The following ICE2 variants were observed in gnomAD, a reference collection of about 807,000 sequenced individuals.
ICE2 encodes little elongation complex subunit 2.
ICE2 carries 87 observed loss-of-function variants against 105.4 expected under a neutral mutation model. The ratio of observed to expected loss-of-function variants is 0.83; its 90% confidence interval spans 0.69 to 0.99. The LOEUF (loss-of-function observed/expected upper bound fraction) is 0.99, where lower values mean the gene tolerates loss of function less well. Among genes scored for constraint, ICE2 ranks in the 50% least tolerant of loss-of-function variants. The pLI is 0.00. For synonymous variants in ICE2, 399 were observed against 392.0 expected (o/e 1.02, Z -0.21); for missense variants, 1,323 against 1,146.7 (o/e 1.15, Z -2.22).
intron 9 of ICE2, chr15:60,452,216 T>C (rs1357221233): frequency 2.1e-6 from 2 of 943,332 alleles, no homozygotes; most frequent in Non-Finnish European, 2.5e-6. Context: ...ATAAAAATAT[T>C]AAAAGGCAAA....
In ICE2 at chr15:60,449,157, C is replaced by G. The variant is rs755943925; in HGVS notation, c.1810G>C (p.Ala604Pro). The G allele has an allele frequency of 6.2e-7, 1 of 1,614,076 alleles. No homozygotes were observed. The highest frequency in any genetic ancestry group is 1.1e-5 in the South Asian group (1 of 91,078). The change falls in exon 10 of 16, where the codon GCT becomes CCT. Residue 604 changes from alanine (A) to proline (P), a missense_variant. Physicochemically the swap from Ala to Pro is conservative, Grantham distance 27. Transcript: ENST00000261520. Reference protein sequence around the residue: ...VVGSNLSSRPASPNSSSGQAS... With the variant: ...VVGSNLSSRPPSPNSSSGQAS... The stretch of plus-strand genomic sequence containing the variant: ...TGTCCTGAGGAAGAATTTGGACTAG[C>G]TGGTCTGGAACTTAAGTTAGAACCC...
chr15:60,477,048 A>T (rs1010367679), intron 2 of ICE2, among the ~76,000 whole-genome samples: 14 of 152,360 alleles, frequency 9.2e-5, no homozygotes, highest in Admixed American at 1.3e-4. Context: ...CCCAGATAGG[A>T]AATTCTAGCA....
intron 11 of ICE2, among the ~76,000 whole-genome samples, chr15:60,445,116 A>G (rs2063795152): frequency 6.6e-6 from 1 of 152,234 alleles, no homozygotes; most frequent in Non-Finnish European, 1.5e-5. Context: ...GACAACTAAA[A>G]TAATTGAAGA....
intron 3 of ICE2, among the ~76,000 whole-genome samples, chr15:60,469,974 A>G (rs572677855): frequency 3.3e-5 from 5 of 152,354 alleles, no homozygotes; most frequent in South Asian, 2.1e-4. Context: ...TGGCCTGTAC[A>G]CTATAACTTC....
intron 12 of ICE2, chr15:60,441,000 A>G (rs1267769569): frequency 1.3e-5 from 2 of 152,234 alleles, no homozygotes; most frequent in African/African-American, 4.8e-5. Context: ...GTTGAACTGT[A>G]CATTTAAAAA....
At chr15:60,429,199 C>A (rs769186291) in intron 14 of ICE2, among the ~76,000 whole-genome samples, 2 of 152,190 alleles carry the variant, frequency 1.3e-5, no homozygotes, top group Non-Finnish European at 2.9e-5. Flanking sequence ...ATGAGGATAA[C>A]AGAAACAATA....
Position 60,431,177 on chromosome 15 carries a change from GTTC to G in ICE2, c.2561+754_2561+756del, listed in dbSNP as rs1031034746. ...GTGAGCCACTGCGCCCGGCCTCTATGTTCTTCTTTTTTTTTTTTAATCTTGAAA... is the reference window on the plus strand; with the variant it reads ...GTGAGCCACTGCGCCCGGCCTCTATGTTCTTTTTTTTTTTTAATCTTGAAA... On this transcript the variant is annotated intron_variant, in intron 14 of 15. Transcript: ENST00000261520. Among the ~76,000 whole-genome samples the G allele has an allele frequency of 1.1e-4, 16 of 151,454 alleles. 1 individual carries two copies. In the South Asian group the frequency reaches 1.3e-3, roughly 12 times the overall value.
intron 5 of ICE2, among the ~76,000 whole-genome samples, chr15:60,464,166 C>T (rs1178104451): frequency 1.3e-5 from 2 of 152,118 alleles, no homozygotes; most frequent in Non-Finnish European, 2.9e-5. Context: ...AGAAAATGTG[C>T]TGCCACATCA....
Position 60,422,319 on chromosome 15 carries a change from G to A in ICE2, c.*1315C>T, listed in dbSNP as rs1440479135. The A allele has an allele frequency of 1.3e-5, 2 of 151,916 alleles. No homozygotes were observed. Among genetic ancestry groups the A allele is most frequent in the Admixed American group, 1.3e-4 (2 of 15,220 alleles). The allele number at this position is 151,916 out of a possible 1,614,324, so 9.4% of individuals were successfully genotyped here. ...GGCTAACTTTTTTATTTGTAGAGAT[G>A]AGGTCTGTGTTGCCCAGACTGGTCT... On this transcript the variant is annotated 3_prime_UTR_variant, in exon 16 of 16. Coordinates refer to ENST00000261520, the MANE Select transcript of ICE2 (RefSeq NM_024611.6).
chr15:60,474,634 T>C (rs1333099783), intron 3 of ICE2, among the ~76,000 whole-genome samples: 3 of 152,196 alleles, frequency 2.0e-5, no homozygotes, highest in East Asian at 1.9e-4. Context: ...ATTTAAGTTA[T>C]TGATAGGGAA....
rs571738964 is a variant in ICE2, at chr15:60,421,951, G to A, written c.*1683C>T. On this transcript the variant is annotated 3_prime_UTR_variant, in exon 16 of 16. Coordinates refer to ENST00000261520, the MANE Select transcript of ICE2 (RefSeq NM_024611.6). ...TATTTTCAACTGTTACAATACTTGAGGAGATTTTTCGGTCTAATTTCTCAG... is the reference window on the plus strand; with the variant it reads ...TATTTTCAACTGTTACAATACTTGAAGAGATTTTTCGGTCTAATTTCTCAG... The A allele has an allele frequency of 1.2e-4, 18 of 151,440 alleles. No homozygotes were observed. The highest frequency in any genetic ancestry group is 2.1e-4 in the Non-Finnish European group (14 of 67,590). The allele number at this position is 151,440 out of a possible 1,614,324, so 9.4% of individuals were successfully genotyped here.
At position 60,465,127 on chromosome 15, in the gene ICE2, G is replaced by A. The variant is rs118169804; in HGVS notation, c.528+1467C>T. Among the ~76,000 whole-genome samples, 45 of 151,996 alleles carry A rather than the reference G, an allele frequency of 3.0e-4. No homozygotes were observed. In the East Asian group the frequency reaches 6.4e-3, roughly 22 times the overall value. On this transcript the variant is annotated intron_variant, in intron 5 of 15. Coordinates refer to ENST00000261520, the MANE Select transcript of ICE2 (RefSeq NM_024611.6). ...TTCACAGAAAATAAAAATCAAATTC[G>A]TTTATTTAGAAGAACCATTCTTCTG... is the stretch of plus-strand genomic sequence containing the variant.
intron 5 of ICE2, among the ~76,000 whole-genome samples, chr15:60,458,655 T>C (rs1044685315): frequency 1.3e-5 from 2 of 152,080 alleles, no homozygotes; most frequent in South Asian, 2.1e-4. Context: ...AACAGCATTA[T>C]TCATAACAGC....
chr15:60,421,365 A>G lies in ICE2; in HGVS notation c.*2269T>C, dbSNP rs1231981123. The G allele has an allele frequency of 6.6e-6, 1 of 152,142 alleles. No individual in the cohort carries two copies. The highest frequency in any genetic ancestry group is 2.4e-5 in the African/African-American group (1 of 41,422). The allele number at this position is 152,142 out of a possible 1,614,324, so 9.4% of individuals were successfully genotyped here. On this transcript the variant is annotated 3_prime_UTR_variant, in exon 16 of 16. Coordinates refer to ENST00000261520, the MANE Select transcript of ICE2 (RefSeq NM_024611.6). ...CAAGTAGCTGGGATTACATCCTGCT[A>G]AACATATTGTCAGTTACTTCTTGGC...
At chr15:60,462,223 C>G (rs566830289) in intron 5 of ICE2, among the ~76,000 whole-genome samples, 1 of 152,228 alleles carries the variant, frequency 6.6e-6, no homozygotes, top group South Asian at 2.1e-4. Flanking sequence ...AATATTACAA[C>G]TGTGCAAACC....
At chr15:60,430,759 A>G (rs1751998291) in intron 14 of ICE2, among the ~76,000 whole-genome samples, 1 of 152,246 alleles carries the variant, frequency 6.6e-6, no homozygotes, top group African/African-American at 2.4e-5. Flanking sequence ...AACATTTGGT[A>G]AGGGCATAAG....
At chr15:60,451,141 A>G in intron 9 of ICE2, 1 of 791,172 alleles carries the variant, frequency 1.3e-6, no homozygotes, top group Non-Finnish European at 1.5e-6. Flanking sequence ...TAAAAGAAAA[A>G]TTTGACAGAG....
chr15:60,458,335 T>C (rs1349641659), intron 5 of ICE2, among the ~76,000 whole-genome samples: 1 of 152,134 alleles, frequency 6.6e-6, no homozygotes, highest in African/African-American at 2.4e-5. Context: ...ATCTTGAGAA[T>C]TAAATACACC....
rs140768448 is a variant in ICE2 at position 60,468,339 on chromosome 15, A to G, written c.147-17T>C. 2.1e-4 allele frequency: 326 copies of G among 1,576,022 alleles called. 5 individuals are homozygous for G. In the African/African-American group the frequency reaches 3.9e-3, roughly 19 times the overall value. On this transcript the variant is annotated splice_polypyrimidine_tract_variant and intron_variant, in intron 3 of 15. Transcript: ENST00000261520. ...CCTATACGTCTGGAAAACAAAATATAATTTACAAATATGTGCTTTTCACAT... is the reference window on the plus strand; with the variant it reads ...CCTATACGTCTGGAAAACAAAATATGATTTACAAATATGTGCTTTTCACAT...
Sources: gnomAD v4.1 joint callset for allele counts (sites outside exome capture counted in the v4.1 genomes callset) on GRCh38, gnomAD v4.1.1 for gene constraint, MANE v1.5 for transcripts, NCBI Gene and HGNC (gene_info 2026-07-23, HGNC 2026-07-21) for gene names.